Variants in SNX5 observed in about 807,000 individuals in gnomAD.
SNX5 encodes the protein sorting nexin-5.
A neutral mutation model predicts 53.9 loss-of-function variants in SNX5; 31 were observed. The ratio of observed to expected loss-of-function variants is 0.58; its 90% confidence interval spans 0.43 to 0.78. The LOEUF is 0.78. Ranked by LOEUF, SNX5 falls within the 30% of genes least tolerant of loss-of-function variation. SNX5 has a pLI of 0.00. For synonymous variants in SNX5, 168 were observed against 171.1 expected, an observed-to-expected ratio of 0.98 and a Z score of 0.14; for missense variants, 471 against 478.8, an observed-to-expected ratio of 0.98 and a Z score of 0.15.
intron 1 of SNX5, among the ~76,000 whole-genome samples, chr20:17,963,343 T>C (rs529951487): frequency 6.6e-6 from 1 of 151,926 alleles, no homozygotes; most frequent in East Asian, 1.9e-4. Context: ...GCCTATGCCT[T>C]TACTCCTAAC....
intron 8 of SNX5, among the ~76,000 whole-genome samples, chr20:17,949,660 G>A (rs1298906268): frequency 3.3e-5 from 5 of 152,162 alleles, no homozygotes; most frequent in Admixed American, 2.6e-4. Flanking sequence ...ACAGCTGTGT[G>A]TTAGACTGGG....
chr20:17,951,389 C>A, intron 6 of SNX5, 111 bp downstream of exon 6: 1 of 689,868 alleles, frequency 1.4e-6, no homozygotes. Context: ...AGAACACTTA[C>A]ATGTCTTAAA....
chr20:17,953,938 A>T, intron 4 of SNX5, 58 bp downstream of exon 4: 1 of 1,425,940 alleles, frequency 7.0e-7, no homozygotes, highest in South Asian at 1.2e-5. Flanking sequence ...TTATTTTTGT[A>T]CACAGCACCA....
intron 11 of SNX5, 38 bp from the exon 12 acceptor site, chr20:17,943,233 C>G: frequency 7.3e-7 from 1 of 1,362,030 alleles, no homozygotes; most frequent in Non-Finnish European, 1.0e-6. Flanking sequence ...CCAAGAAAAA[C>G]TAAACAATTT....
intron 1 of SNX5, among the ~76,000 whole-genome samples, chr20:17,958,440 C>T (rs1044747926): frequency 1.3e-5 from 2 of 152,150 alleles, no homozygotes; most frequent in Non-Finnish European, 2.9e-5. Flanking sequence ...TTCAAGTACT[C>T]CCTTTTTCCT....
intron 4 of SNX5, among the ~76,000 whole-genome samples, chr20:17,953,660 A>G (rs1156657211): frequency 6.6e-6 from 1 of 152,196 alleles, no homozygotes; most frequent in African/African-American, 2.4e-5. Flanking sequence ...CCGAAAGAAA[A>G]GCTTTGTACA....
chr20:17,942,159 T>A lies in SNX5; in HGVS notation c.*198A>T, dbSNP rs1770941695. On this transcript the variant is annotated 3_prime_UTR_variant, in exon 13 of 13. Transcript: ENST00000377759. The stretch of plus-strand genomic sequence containing the variant: ...GAGGTATTAAATGCACAAGGAAAAA[T>A]TAGTTATGTCCAAGTAGCAAGCAAT... 1 of 560,396 alleles carries A rather than the reference T, an allele frequency of 1.8e-6. No individual in the cohort carries two copies. The highest frequency in any genetic ancestry group is 3.1e-5 in the Admixed American group (1 of 32,188). The allele number at this position is 560,396 out of a possible 1,614,324, so 34.7% of individuals were successfully genotyped here.
intron 12 of SNX5, 83 bp from the exon 13 acceptor site, chr20:17,942,490 CT>C: frequency 9.5e-7 from 1 of 1,047,412 alleles, no homozygotes; most frequent in East Asian, 2.4e-5. Context: ...ACCAACACGG[CT>C]TTTCACGGGA....
At chr20:17,960,502 G>A (rs188800156) in intron 1 of SNX5, among the ~76,000 whole-genome samples, 1 of 151,912 alleles carries the variant, frequency 6.6e-6, no homozygotes, top group African/African-American at 2.4e-5. Context: ...GCTGAGGTAG[G>A]AGAATCGCTT....
chr20:17,957,845 A>G (rs983397678), intron 1 of SNX5, among the ~76,000 whole-genome samples: 3 of 152,144 alleles, frequency 2.0e-5, no homozygotes, highest in African/African-American at 7.2e-5. Flanking sequence ...AGGAGGGGTG[A>G]ATTAGAAAAA....
At chr20:17,964,285 G>C (rs1259292140) in intron 1 of SNX5, among the ~76,000 whole-genome samples, 1 of 152,104 alleles carries the variant, frequency 6.6e-6, no homozygotes, top group Non-Finnish European at 1.5e-5. Context: ...TGACTAGAAT[G>C]CTTAGGAGTG....
In SNX5 at chr20:17,942,426, AG is replaced by A; in HGVS notation, c.1165-20del. On this transcript the variant is annotated intron_variant, in intron 12 of 12. Transcript: ENST00000377759. ...CATTGTTCTGTGGGGAAAAAAGGCAAGGCAGACCAGTGAATTATTAAAACTT... is the reference window on the plus strand; with the variant it reads ...CATTGTTCTGTGGGGAAAAAAGGCAAGCAGACCAGTGAATTATTAAAACTT... 1 of 1,597,218 alleles carries A rather than the reference AG, an allele frequency of 6.3e-7. No homozygotes were observed. Among genetic ancestry groups the A allele is most frequent in the Non-Finnish European group, 8.6e-7 (1 of 1,164,776 alleles).
chr20:17,943,210 A>C lies in SNX5; in HGVS notation c.1079-15T>G. 1 of 1,542,720 alleles carries C rather than the reference A, an allele frequency of 6.5e-7. No homozygotes were observed. Among genetic ancestry groups the C allele is most frequent in the East Asian group, 2.2e-5 (1 of 44,578 alleles). On this transcript the variant is annotated splice_polypyrimidine_tract_variant and intron_variant, in intron 11 of 12. Coordinates refer to ENST00000377759, the MANE Select transcript of SNX5 (RefSeq NM_014426.4). ...ATTTATCAGTTCTACAGGAAGAAAA[A>C]ATGTTTATGAAACCAAGAAAAACTA...
rs761725309 is a variant in SNX5 at position 17,962,970 on chromosome 20, T to A, written c.51+5405A>T. ...ACAAGGCTGCAAGCCCATGTACTAA[T>A]GGAATCAACATGGAACCAGAGTTAA... is the stretch of plus-strand genomic sequence containing the variant. On this transcript the variant is annotated intron_variant, in intron 1 of 12. Coordinates refer to ENST00000377759, the MANE Select transcript of SNX5 (RefSeq NM_014426.4). 6.0e-6 allele frequency: 3 copies of A among 496,036 alleles called. No homozygotes were observed. The Admixed American group carries it at 6.1e-5, about 10-fold the overall frequency. 30.7% of individuals were successfully genotyped at this position (496,036 alleles called of 1,614,324 possible). A position where few individuals can be genotyped will look rare whatever the true frequency, so the allele number is the denominator to read the frequency against.
chr20:17,951,198 G>C (rs1422110314), intron 6 of SNX5: 1 of 286,326 alleles, frequency 3.5e-6, no homozygotes, highest in Non-Finnish European at 6.7e-6. Context: ...TTCTGAGAGT[G>C]GGATAAAATA....
Position 17,954,106 on chromosome 20 carries a change from A to G in SNX5, c.279T>C (p.Ala93=). 6.2e-7 allele frequency: 1 copy of G among 1,613,686 alleles called. No homozygotes were observed. Among genetic ancestry groups the G allele is most frequent in the Non-Finnish European group, 8.5e-7 (1 of 1,179,718 alleles). ...TDYAGLIIPP[A]PTKPDFDGPR... ...GACCATCAAAGTCGGGCTTCGTAGG[A>G]GCAGGTGGAATCTGCAGCAGAGGCA... The change falls in exon 4 of 13, where the codon GCT becomes GCC. Residue 93 remains alanine, a synonymous_variant. Transcript: ENST00000377759.
chr20:17,946,407 T>C (rs1037869749), intron 11 of SNX5, among the ~76,000 whole-genome samples: 2 of 152,202 alleles, frequency 1.3e-5, no homozygotes, highest in African/African-American at 4.8e-5. Context: ...TAGCATGGCC[T>C]ATCACTCTAA....
intron 1 of SNX5, among the ~76,000 whole-genome samples, chr20:17,967,308 C>T (rs1205383669): frequency 6.8e-6 from 1 of 146,846 alleles, no homozygotes; most frequent in Non-Finnish European, 1.5e-5. Context: ...ATCGTGGTCT[C>T]AAGTTTCCAC....
In SNX5 at chr20:17,956,941, G is replaced by T; in HGVS notation, c.148C>A (p.His50Asn). ...SERDKVKFTV[H>N]TKTTLPTFQS... ...CACTGCATGTTACTTACCTTTGTGTGCACTGTAAATTTGACTTTGTCTCTC... is the reference window on the plus strand; with the variant it reads ...CACTGCATGTTACTTACCTTTGTGTTCACTGTAAATTTGACTTTGTCTCTC... Residue 50 changes from histidine to asparagine, a missense_variant, in exon 2 of 13, where the codon CAC becomes AAC. Transcript: ENST00000377759. 6.4e-7 allele frequency: 1 copy of T among 1,550,992 alleles called. No homozygotes were observed. Among genetic ancestry groups the T allele is most frequent in the Non-Finnish European group, 8.9e-7 (1 of 1,123,372 alleles).
Sources: allele counts gnomAD v4.1 joint callset (sites outside exome capture counted in the v4.1 genomes callset), GRCh38; gene constraint gnomAD v4.1.1; transcripts MANE v1.5; gene names NCBI Gene and HGNC (gene_info 2026-07-23, HGNC 2026-07-21).